COL26A1: variants seen among roughly 807,000 people sequenced by gnomAD.
COL26A1 encodes the protein collagen type XXVI alpha 1 chain, also known as collagen alpha-1(XXVI) chain.
COL26A1 carries 41 observed loss-of-function variants against 59.3 expected under a neutral mutation model. The observed-to-expected ratio is 0.69, with a 90% confidence interval of 0.54 to 0.90. The LOEUF is 0.90. Among genes scored for constraint, COL26A1 ranks in the 40% least tolerant of loss-of-function variants. The pLI, the probability that COL26A1 is intolerant of heterozygous loss-of-function variation, is 0.00. For missense variants in COL26A1, 612 were observed against 602.3 expected, an observed-to-expected ratio of 1.02 and a Z score of -0.17; for synonymous variants, 266 against 256.0, an observed-to-expected ratio of 1.04 and a Z score of -0.37.
At chr7:101,374,119 G>A (rs1791254854) in intron 1 of COL26A1, among the ~76,000 whole-genome samples, 1 of 152,208 alleles carries the variant, frequency 6.6e-6, no homozygotes, top group African/African-American at 2.4e-5. Flanking sequence ...ATGCCGTGCT[G>A]TTCTGCCCTC....
intron 1 of COL26A1, among the ~76,000 whole-genome samples, chr7:101,378,765 T>G (rs544727753): frequency 1.3e-5 from 2 of 152,234 alleles, no homozygotes; most frequent in East Asian, 3.9e-4. Flanking sequence ...TTTCTTGTTC[T>G]GGAAATGCAA....
chr7:101,449,475 A>G (rs927737852), intron 3 of COL26A1, among the ~76,000 whole-genome samples: 3 of 152,236 alleles, frequency 2.0e-5, no homozygotes, highest in African/African-American at 7.2e-5. Flanking sequence ...GATCAATAAA[A>G]TCAGCAATGT....
At chr7:101,374,419 G>A (rs7784773) in intron 1 of COL26A1, among the ~76,000 whole-genome samples, 9 of 152,264 alleles carry the variant, frequency 5.9e-5, no homozygotes, top group Admixed American at 2.0e-4. Context: ...TCAAGGAACC[G>A]GGCCGCACAG....
At chr7:101,505,423 T>C (rs1794793299) in intron 3 of COL26A1, among the ~76,000 whole-genome samples, 1 of 152,048 alleles carries the variant, frequency 6.6e-6, no homozygotes, top group Non-Finnish European at 1.5e-5. Context: ...TTTGTTTTTG[T>C]GTGTACATGA....
intron 3 of COL26A1, among the ~76,000 whole-genome samples, chr7:101,481,484 C>G (rs1393302091): frequency 6.6e-6 from 1 of 150,778 alleles, no homozygotes; most frequent in African/African-American, 2.4e-5. Flanking sequence ...AACAGGGACT[C>G]ACTGTCACCC....
intron 2 of COL26A1, among the ~76,000 whole-genome samples, chr7:101,435,675 G>C (rs1046921075): frequency 5.3e-5 from 8 of 152,174 alleles, no homozygotes; most frequent in Admixed American, 3.9e-4. Flanking sequence ...GCTGGGACGG[G>C]CTGGGGCTCT....
chr7:101,537,985 C>T (rs1795518646), intron 4 of COL26A1, among the ~76,000 whole-genome samples: 1 of 151,834 alleles, frequency 6.6e-6, no homozygotes, highest in Non-Finnish European at 1.5e-5. Context: ...TGCCCTTGTT[C>T]GACTGGGGGC....
chr7:101,406,061 T>G (rs1792121850), intron 1 of COL26A1, among the ~76,000 whole-genome samples: 1 of 152,152 alleles, frequency 6.6e-6, no homozygotes, highest in African/African-American at 2.4e-5. Context: ...CGGATGGAAA[T>G]CCACACAACT....
intron 3 of COL26A1, among the ~76,000 whole-genome samples, chr7:101,466,984 CCA>C (rs1220475766): frequency 6.6e-6 from 1 of 151,874 alleles, no homozygotes; most frequent in Non-Finnish European, 1.5e-5. Context: ...GGGCTGAGGT[CCA>C]GAGTTAGTGA....
At chr7:101,427,761 C>T (rs1404347021) in intron 2 of COL26A1, among the ~76,000 whole-genome samples, 1 of 152,092 alleles carries the variant, frequency 6.6e-6, no homozygotes, top group Non-Finnish European at 1.5e-5. Context: ...CTGGGCTTCC[C>T]AAAGTGCTGG....
At chr7:101,401,722 AGG>A in intron 1 of COL26A1, among the ~76,000 whole-genome samples, 1 of 149,546 alleles carries the variant, frequency 6.7e-6, no homozygotes, top group Non-Finnish European at 1.5e-5. Context: ...GAGGAAGAGG[AGG>A]AGAAGGAAGA....
At chr7:101,363,484 G>C (rs868780730) in intron 1 of COL26A1, among the ~76,000 whole-genome samples, 1 of 132,338 alleles carries the variant, frequency 7.6e-6, no homozygotes, top group Non-Finnish European at 1.6e-5. Flanking sequence ...TTGGGGTCAC[G>C]GGGGGAAAGA....
chr7:101,480,328 C>G (rs1040076617), intron 3 of COL26A1, among the ~76,000 whole-genome samples: 1 of 152,068 alleles, frequency 6.6e-6, no homozygotes, highest in African/African-American at 2.4e-5. Flanking sequence ...TCTAATTTTT[C>G]CAAGTTATAC....
At chr7:101,443,421 G>A (rs1793109039) in intron 2 of COL26A1, among the ~76,000 whole-genome samples, 1 of 152,180 alleles carries the variant, frequency 6.6e-6, no homozygotes, top group South Asian at 2.1e-4. Context: ...ATTCAGAGCT[G>A]TACTTCTGAA....
At chr7:101,442,293 G>C (rs1435368811) in intron 2 of COL26A1, among the ~76,000 whole-genome samples, 1 of 151,884 alleles carries the variant, frequency 6.6e-6, no homozygotes, top group Admixed American at 6.6e-5. Flanking sequence ...GCGGCAGCAA[G>C]AGGGTTGTGA....
At chr7:101,469,684 T>G (rs1296756051) in intron 3 of COL26A1, among the ~76,000 whole-genome samples, 1 of 152,084 alleles carries the variant, frequency 6.6e-6, no homozygotes, top group East Asian at 1.9e-4. Flanking sequence ...GAGATGGGGT[T>G]TCACCATATT....
Position 101,555,872 on chromosome 7 carries a change from G to A in COL26A1, c.1165+1G>A, listed in dbSNP as rs765714595. ...CTGGAGCACATGATTGGGATCCACG[G>A]TGAGCAGTGACCAGGATCAGCGGGC... On this transcript the variant is annotated splice_donor_variant, in intron 12 of 12. Coordinates refer to ENST00000313669, the MANE Select transcript of COL26A1 (RefSeq NM_001278563.3). LOFTEE classifies it high-confidence loss of function. The A allele has an allele frequency of 6.2e-7, 1 of 1,604,782 alleles. No homozygotes were observed. The highest frequency in any genetic ancestry group is 8.5e-7 in the Non-Finnish European group (1 of 1,175,782).
intron 3 of COL26A1, among the ~76,000 whole-genome samples, chr7:101,464,068 C>T (rs1428930034): frequency 6.6e-6 from 1 of 151,500 alleles, no homozygotes. Flanking sequence ...TGGGCTCAAG[C>T]AATCCTCCTA....
intron 9 of COL26A1, 50 bp downstream of exon 9, chr7:101,549,273 G>A: frequency 7.2e-7 from 1 of 1,386,046 alleles, no homozygotes. Flanking sequence ...CGGGTGGCGG[G>A]TGGCCTTGTC....
Sources: gnomAD v4.1 joint callset for allele counts (sites outside exome capture counted in the v4.1 genomes callset) on GRCh38, gnomAD v4.1.1 for gene constraint, MANE v1.5 for transcripts, NCBI Gene and HGNC (gene_info 2026-07-23, HGNC 2026-07-21) for gene names.